Variants in MTUS2 observed in about 807,000 individuals in gnomAD.
The protein encoded by MTUS2 is microtubule associated scaffold protein 2.
A neutral mutation model predicts 114.1 loss-of-function variants in MTUS2; 40 were observed. That is an observed-to-expected ratio of 0.35 (90% CI 0.27 to 0.46). The LOEUF is 0.46. Among genes scored for constraint, MTUS2 ranks in the 20% least tolerant of loss-of-function variants. MTUS2 has a pLI of 1.00. For missense variants in MTUS2, 1,679 were observed against 1,705.4 expected, an observed-to-expected ratio of 0.98 and a Z score of 0.27; for synonymous variants, 688 against 672.0, an observed-to-expected ratio of 1.02 and a Z score of -0.37.
Position 29,026,453 on chromosome 13 carries a change from C to T in MTUS2, c.1755C>T (p.Pro585=), listed in dbSNP as rs1347381863. The T allele has an allele frequency of 6.2e-7, 1 of 1,613,996 alleles. No individual in the cohort carries two copies. The highest frequency in any genetic ancestry group is 8.5e-7 in the Non-Finnish European group (1 of 1,179,890). ...TDSARLLNTS[P]KVPDKNTCPS... is the part of the protein sequence containing the mutation. ...GTGCACGCTTGTTGAACACGTCCCCCAAAGTGCCTGACAAGAACACTTGCC... is the reference window on the plus strand; with the variant it reads ...GTGCACGCTTGTTGAACACGTCCCCTAAAGTGCCTGACAAGAACACTTGCC... The change falls in exon 3 of 16, where the codon CCC becomes CCT. Residue 585 remains proline (P), a synonymous_variant. Transcript: ENST00000612955.
chr13:29,261,199 A>G (rs1034294452), intron 5 of MTUS2, among the ~76,000 whole-genome samples: 2 of 152,214 alleles, frequency 1.3e-5, no homozygotes, highest in Non-Finnish European at 2.9e-5. Context: ...CTTAAGGCCA[A>G]TATGCGGTCT....
At chr13:29,213,272 T>C (rs1895530549) in intron 5 of MTUS2, among the ~76,000 whole-genome samples, 1 of 152,246 alleles carries the variant, frequency 6.6e-6, no homozygotes, top group Non-Finnish European at 1.5e-5. Context: ...ACAAAGTCTG[T>C]CTTGGTAAAC....
intron 5 of MTUS2, among the ~76,000 whole-genome samples, chr13:29,149,943 G>A (rs1402166796): frequency 6.6e-6 from 1 of 152,120 alleles, no homozygotes; most frequent in African/African-American, 2.4e-5. Context: ...TTGAAGTTGG[G>A]TAGTGTGATG....
At chr13:29,296,044 A>C (rs2139591718) in intron 6 of MTUS2, among the ~76,000 whole-genome samples, 1 of 152,248 alleles carries the variant, frequency 6.6e-6, no homozygotes, top group South Asian at 2.1e-4. Context: ...CTAAATGAAC[A>C]CTTAGGCAGA....
chr13:29,180,694 C>T (rs1893962598), intron 5 of MTUS2, among the ~76,000 whole-genome samples: 1 of 152,146 alleles, frequency 6.6e-6, no homozygotes, highest in Non-Finnish European at 1.5e-5. Flanking sequence ...AAACTGGCTT[C>T]ACTTGAGTCC....
At chr13:29,415,059 T>C (rs191823726) in intron 8 of MTUS2, among the ~76,000 whole-genome samples, 1 of 151,804 alleles carries the variant, frequency 6.6e-6, no homozygotes, top group East Asian at 1.9e-4. Flanking sequence ...TCAAGAGTTG[T>C]TTAATAGGCT....
At chr13:29,482,259 A>G (rs1204479980) in intron 10 of MTUS2, 2 of 152,200 alleles carry the variant, frequency 1.3e-5, no homozygotes, top group Non-Finnish European at 2.9e-5. Context: ...TGAGGGGAGC[A>G]TCTCCACTCA....
intron 5 of MTUS2, among the ~76,000 whole-genome samples, chr13:29,147,303 A>G (rs917392830): frequency 6.6e-6 from 1 of 152,218 alleles, no homozygotes; most frequent in African/African-American, 2.4e-5. Context: ...AGTTGGTTAT[A>G]TATGATTTTA....
chr13:28,906,603 C>T (rs1386438922), intron 2 of MTUS2, among the ~76,000 whole-genome samples: 3 of 151,598 alleles, frequency 2.0e-5, no homozygotes, highest in Admixed American at 6.6e-5. Context: ...AGTTTGATTG[C>T]ACTGTGGTCT....
chr13:29,468,665 T>C (rs921339182), intron 9 of MTUS2, among the ~76,000 whole-genome samples: 25 of 152,210 alleles, frequency 1.6e-4, no homozygotes, highest in African/African-American at 6.0e-4. Context: ...TTTCTAGCTG[T>C]GTTAGCTTAG....
intron 2 of MTUS2, among the ~76,000 whole-genome samples, chr13:28,976,796 A>ATT (rs1884129776): frequency 6.6e-6 from 1 of 152,216 alleles, no homozygotes; most frequent in Non-Finnish European, 1.5e-5. Flanking sequence ...CTTTATGTAA[A>ATT]TGGCATGGAT....
At chr13:28,906,524 T>C (rs913038666) in intron 2 of MTUS2, among the ~76,000 whole-genome samples, 1 of 151,612 alleles carries the variant, frequency 6.6e-6, no homozygotes, top group African/African-American at 2.4e-5. Context: ...CCAGTAGTCA[T>C]TCAGGAGCTG....
At chr13:29,104,962 G>A (rs1049949042) in intron 5 of MTUS2, among the ~76,000 whole-genome samples, 21 of 152,042 alleles carry the variant, frequency 1.4e-4, no homozygotes, top group Admixed American at 2.6e-4. Context: ...ATTTAGTGTC[G>A]GAAACATACT....
intron 7 of MTUS2, among the ~76,000 whole-genome samples, chr13:29,354,204 A>C (rs1245935744): frequency 2.7e-5 from 4 of 149,232 alleles, no homozygotes; most frequent in African/African-American, 1.0e-4. Flanking sequence ...TCTATAGTTT[A>C]ATGTCTTGAA....
chr13:28,882,323 C>T lies in MTUS2; in HGVS notation c.-243+42473C>T, dbSNP rs533278333. On this transcript the variant is annotated intron_variant, in intron 2 of 15. Transcript: ENST00000612955. ...TTGGCCTCCCAAAGTGCTGGGGTTA[C>T]AGGTGTGAGCCACCACGCCCGGCCA... Among the ~76,000 whole-genome samples the T allele has an allele frequency of 2.0e-5, 3 of 152,296 alleles. No homozygotes were observed. In the South Asian group the frequency reaches 6.2e-4, roughly 32 times the overall value.
chr13:28,980,190 TGATTAC>T (rs1442033385), intron 2 of MTUS2, among the ~76,000 whole-genome samples: 1 of 152,234 alleles, frequency 6.6e-6, no homozygotes, highest in Non-Finnish European at 1.5e-5. Context: ...GAAAATAAAT[TGATTAC>T]AATAGAGTCC....
intron 5 of MTUS2, among the ~76,000 whole-genome samples, chr13:29,159,798 G>C (rs1448030937): frequency 6.6e-6 from 1 of 152,192 alleles, no homozygotes; most frequent in Non-Finnish European, 1.5e-5. Context: ...TGATGTCACT[G>C]TATATACCTA....
intron 8 of MTUS2, among the ~76,000 whole-genome samples, chr13:29,418,585 A>G (rs1030707561): frequency 4.6e-5 from 7 of 152,198 alleles, no homozygotes; most frequent in African/African-American, 1.7e-4. Flanking sequence ...TCTGCTGTCT[A>G]TGACAGTAAC....
At chr13:29,295,930 C>G (rs61948206) in intron 6 of MTUS2, among the ~76,000 whole-genome samples, 4 of 152,274 alleles carry the variant, frequency 2.6e-5, no homozygotes, top group Admixed American at 2.0e-4. Context: ...TACCTCCCAC[C>G]GGGTCCCTCC....
Sources: allele counts gnomAD v4.1 joint callset (sites outside exome capture counted in the v4.1 genomes callset), GRCh38; gene constraint gnomAD v4.1.1; transcripts MANE v1.5; gene names NCBI Gene and HGNC (gene_info 2026-07-23, HGNC 2026-07-21).